The following GPSM2 variants were observed in gnomAD, a reference collection of about 807,000 sequenced individuals.
The protein encoded by GPSM2 is G protein signaling modulator 2.
In GPSM2, 58 loss-of-function variants were observed where a neutral mutation model predicts 78.4. The ratio of observed to expected loss-of-function variants is 0.74; its 90% CI spans 0.60 to 0.92. GPSM2 has a LOEUF of 0.92. Ranked by LOEUF, GPSM2 falls within the 40% of genes least tolerant of loss-of-function variation. GPSM2 has a pLI of 0.00. For synonymous variants in GPSM2, 224 were observed against 280.2 expected (o/e 0.80, Z 2.00); for missense variants, 700 against 815.5 (o/e 0.86, Z 1.73).
At chr1:108,920,616 TC>T (rs1200077341) in intron 12 of GPSM2, among the ~76,000 whole-genome samples, 6 of 152,146 alleles carry the variant, frequency 3.9e-5, no homozygotes, top group East Asian at 1.9e-4. Flanking sequence ...TCGATTTCTT[TC>T]CCCCCAGTCT....
At chr1:108,923,374 G>A (rs1209968792) in intron 13 of GPSM2, among the ~76,000 whole-genome samples, 5 of 151,518 alleles carry the variant, frequency 3.3e-5, no homozygotes, top group South Asian at 2.1e-4. Context: ...AAGAAAGGTC[G>A]TTATACATAC....
At chr1:108,898,823 T>A in intron 6 of GPSM2, 56 bp from the exon 7 acceptor site, 1 of 1,605,090 alleles carries the variant, frequency 6.2e-7, no homozygotes, top group Non-Finnish European at 8.5e-7. Flanking sequence ...TGAACAGTGA[T>A]TAGATCATTC....
chr1:108,913,408 A>T (rs1255420887), intron 10 of GPSM2, among the ~76,000 whole-genome samples: 1 of 152,188 alleles, frequency 6.6e-6, no homozygotes, highest in Non-Finnish European at 1.5e-5. Context: ...CAGTTATTAT[A>T]AAAAAGCCTT....
At chr1:108,911,441 G>A (rs1437873487) in intron 10 of GPSM2, among the ~76,000 whole-genome samples, 1 of 151,926 alleles carries the variant, frequency 6.6e-6, no homozygotes, top group Admixed American at 6.6e-5. Context: ...GTGGAAGAAT[G>A]TCTTGAACCC....
chr1:108,896,753 G>A (rs1648395161), intron 2 of GPSM2, 111 bp from the exon 3 acceptor site: 9 of 832,656 alleles, frequency 1.1e-5, no homozygotes, highest in Non-Finnish European at 1.9e-5. Context: ...CAGTTATAGA[G>A]GCAGCTGCCC....
intron 10 of GPSM2, among the ~76,000 whole-genome samples, chr1:108,905,930 A>G (rs1003551757): frequency 1.3e-5 from 2 of 152,208 alleles, no homozygotes; most frequent in Admixed American, 6.5e-5. Flanking sequence ...GCTACTGGCT[A>G]TTGGACAGCA....
intron 10 of GPSM2, among the ~76,000 whole-genome samples, chr1:108,912,034 A>C (rs1236517703): frequency 6.6e-6 from 1 of 151,866 alleles, no homozygotes; most frequent in African/African-American, 2.4e-5. Flanking sequence ...TCTCGAACTT[A>C]TGAGTTCAAG....
chr1:108,897,994 T>C lies in GPSM2; in HGVS notation c.450T>C (p.Asn150=), dbSNP rs1250140313. The change falls in exon 5 of 15, where the codon AAT becomes AAC. Residue 150 remains asparagine, a synonymous_variant. Coordinates refer to ENST00000264126, the MANE Select transcript of GPSM2 (RefSeq NM_013296.5). ...GEARALYNLG[N]VYHAKGKSFG... Reference sequence around the variant, plus strand: ...CAAGAGCACTTTACAATCTTGGGAATGTGTATCATGCCAAAGGGAAAAGTT... The same window carrying C: ...CAAGAGCACTTTACAATCTTGGGAACGTGTATCATGCCAAAGGGAAAAGTT... 6.2e-7 allele frequency: 1 copy of C among 1,613,988 alleles called. No individual in the cohort carries two copies. The highest frequency in any genetic ancestry group is 2.2e-5 in the East Asian group (1 of 44,876).
At chr1:108,917,665 T>TATATATAA (rs1311153289) in intron 11 of GPSM2, among the ~76,000 whole-genome samples, 1 of 110,440 alleles carries the variant, frequency 9.1e-6, no homozygotes, top group Non-Finnish European at 1.9e-5. Context: ...TATATATATA[T>TATATATAA]AAATGAGTTC....
intron 11 of GPSM2, among the ~76,000 whole-genome samples, chr1:108,916,639 GCCTA>G (rs1289456862): frequency 3.9e-5 from 6 of 152,092 alleles, no homozygotes; most frequent in East Asian, 1.9e-4. Flanking sequence ...GCTTTCTTCT[GCCTA>G]CCTATGTAGT....
intron 2 of GPSM2, among the ~76,000 whole-genome samples, chr1:108,893,399 A>G (rs907856258): frequency 5.9e-5 from 9 of 152,304 alleles, no homozygotes; most frequent in Admixed American, 5.9e-4. Flanking sequence ...ATGATGCGCC[A>G]TCATTAGTAA....
intron 10 of GPSM2, among the ~76,000 whole-genome samples, chr1:108,913,632 A>C (rs1368535143): frequency 1.3e-5 from 2 of 152,248 alleles, no homozygotes; most frequent in African/African-American, 4.8e-5. Flanking sequence ...TGTAATGAAA[A>C]TGCATAAAAG....
chr1:108,920,375 A>G (rs574686736), intron 12 of GPSM2, among the ~76,000 whole-genome samples: 4 of 150,134 alleles, frequency 2.7e-5, no homozygotes, highest in African/African-American at 9.8e-5. Context: ...AGGCTGAGGC[A>G]GGAGAATTGC....
intron 2 of GPSM2, among the ~76,000 whole-genome samples, chr1:108,891,710 G>A (rs1051214381): frequency 8.0e-6 from 1 of 125,036 alleles, no homozygotes; most frequent in Non-Finnish European, 1.6e-5. Flanking sequence ...TTGCCATGTT[G>A]CCCAGGCTGG....
chr1:108,908,162 G>C (rs889995316), intron 10 of GPSM2, among the ~76,000 whole-genome samples: 3 of 152,142 alleles, frequency 2.0e-5, no homozygotes, highest in Non-Finnish European at 4.4e-5. Flanking sequence ...ATGAGGTCAG[G>C]AGATCGAGAC....
At position 108,930,068 on chromosome 1, in the gene GPSM2, A is replaced by G; in HGVS notation, c.*128A>G. 1.1e-6 allele frequency: 1 copy of G among 870,942 alleles called. No individual in the cohort carries two copies. The highest frequency in any genetic ancestry group is 1.8e-6 in the Non-Finnish European group (1 of 561,764). 54.0% of individuals were successfully genotyped at this position (870,942 alleles called of 1,614,324 possible). On this transcript the variant is annotated 3_prime_UTR_variant, in exon 15 of 15. Coordinates refer to ENST00000264126, the MANE Select transcript of GPSM2 (RefSeq NM_013296.5). ...TATTTTTAGAATGATGTAAATAGTT[A>G]ACCTTCAGTAGTCTATTAAGGCATT...
At chr1:108,924,816 T>A (rs892955721) in intron 14 of GPSM2, among the ~76,000 whole-genome samples, 1 of 152,106 alleles carries the variant, frequency 6.6e-6, no homozygotes, top group African/African-American at 2.4e-5. Flanking sequence ...GCCTAGATCA[T>A]CTAGGCTTTT....
Position 108,922,530 on chromosome 1 carries a change from A to G in GPSM2, c.1554A>G (p.Thr518=). The G allele has an allele frequency of 2.5e-6, 4 of 1,591,912 alleles. No homozygotes were observed. The highest frequency in any genetic ancestry group is 1.6e-5 in the African/African-American group (1 of 61,992). ...GCTTACAAGAAAAGAACTGCCATAC[A>G]GCTTCAACAACAACTTCTTCCACTC... The part of the protein sequence containing the change: ...RCCLQEKNCH[T]ASTTTSSTPP... Residue 518 remains threonine, a synonymous_variant, in exon 13 of 15, where the codon ACA becomes ACG. Coordinates refer to ENST00000264126, the MANE Select transcript of GPSM2 (RefSeq NM_013296.5).
chr1:108,925,719 G>A (rs1651068602), intron 14 of GPSM2, among the ~76,000 whole-genome samples: 1 of 152,168 alleles, frequency 6.6e-6, no homozygotes, highest in Non-Finnish European at 1.5e-5. Context: ...AAAGGATTGA[G>A]TGGGGTGAGA....
Sources: gnomAD v4.1 joint callset for allele counts (sites outside exome capture counted in the v4.1 genomes callset) on GRCh38, gnomAD v4.1.1 for gene constraint, MANE v1.5 for transcripts, NCBI Gene and HGNC (gene_info 2026-07-23, HGNC 2026-07-21) for gene names.